Variants in SECISBP2 observed in about 807,000 individuals in gnomAD.
SECISBP2 encodes the protein selenocysteine insertion sequence-binding protein 2.
Under a neutral mutation model 98.2 loss-of-function variants are expected in SECISBP2, and 96 were observed. The observed-to-expected ratio is 0.98, with a 90% confidence interval of 0.83 to 1.16. The LOEUF is 1.16. Among genes scored for constraint, SECISBP2 ranks in the 50% most tolerant of loss-of-function variants. SECISBP2 has a pLI of 0.00. For missense variants in SECISBP2, 1,046 were observed against 1,022.9 expected, an observed-to-expected ratio of 1.02 and a Z score of -0.31; for synonymous variants, 407 against 370.2, an observed-to-expected ratio of 1.10 and a Z score of -1.14.
At chr9:89,337,532 T>TTTTTG (rs1180635653) in intron 7 of SECISBP2, among the ~76,000 whole-genome samples, 8 of 152,144 alleles carry the variant, frequency 5.3e-5, no homozygotes, top group Non-Finnish European at 1.2e-4. Flanking sequence ...TTTCTCTGTT[T>TTTTTG]TTTTGTTTTG....
intron 12 of SECISBP2, among the ~76,000 whole-genome samples, chr9:89,348,554 G>A (rs1830779624): frequency 6.6e-6 from 1 of 152,240 alleles, no homozygotes; most frequent in South Asian, 2.1e-4. Flanking sequence ...AAGTATTGGA[G>A]ACGTGGGGGC....
At chr9:89,364,126 A>AGCCTTG (rs946542472), downstream of SECISBP2, 8 of 1,375,656 alleles carry the variant, frequency 5.8e-6, no homozygotes, top group East Asian at 1.5e-4. Context: ...GGCCAGCGGG[A>AGCCTTG]GCCTTGGCCT....
At chr9:89,362,900 C>T (rs571768421), downstream of SECISBP2, among the ~76,000 whole-genome samples, 9 of 152,298 alleles carry the variant, frequency 5.9e-5, no homozygotes, top group South Asian at 1.9e-3. Flanking sequence ...ACTTTGTCTC[C>T]GTGGGGAGAC....
intron 4 of SECISBP2, among the ~76,000 whole-genome samples, chr9:89,327,393 CTT>C (rs1826920320): frequency 6.6e-6 from 1 of 152,014 alleles, no homozygotes; most frequent in Non-Finnish European, 1.5e-5. Context: ...CTTACTGTAA[CTT>C]TTTTACTTTA....
Position 89,325,948 on chromosome 9 carries a change from G to A in SECISBP2, c.484G>A (p.Glu162Lys), listed in dbSNP as rs761200404. Residue 162 changes from glutamate (E) to lysine (K), a missense_variant, in exon 4 of 17, where the codon GAA (glutamate) becomes AAA (lysine). Coordinates refer to ENST00000375807, the MANE Select transcript of SECISBP2 (RefSeq NM_024077.5). Reference sequence around the variant, plus strand: ...GTATGATCAGCAAAAGTTTGACAGTGAAAGGGCTGATGGAACTATATCATC... The same window carrying A: ...GTATGATCAGCAAAAGTTTGACAGTAAAAGGGCTGATGGAACTATATCATC... ...KTYDQQKFDS[E>K]RADGTISSEI... 1 of 1,614,058 alleles carries A rather than the reference G, an allele frequency of 6.2e-7. No homozygotes were observed. The highest frequency in any genetic ancestry group is 8.5e-7 in the Non-Finnish European group (1 of 1,180,014).
At position 89,341,328 on chromosome 9, in the gene SECISBP2, A is replaced by C. The variant is rs940959073; in HGVS notation, c.1303-19A>C. On this transcript the variant is annotated intron_variant, in intron 9 of 16. Transcript: ENST00000375807. Reference sequence around the variant, plus strand: ...TTTGTATAGTTTTATAAGTAAACTTACGAATTTTGAACTTTCAGGATAATT... The same window carrying C: ...TTTGTATAGTTTTATAAGTAAACTTCCGAATTTTGAACTTTCAGGATAATT... 6.2e-7 allele frequency: 1 copy of C among 1,608,952 alleles called. No individual in the cohort carries two copies. The highest frequency in any genetic ancestry group is 1.3e-5 in the African/African-American group (1 of 74,822).
chr9:89,325,231 T>C (rs1294903869), intron 2 of SECISBP2, 196 bp from the exon 3 acceptor site: 1 of 598,452 alleles, frequency 1.7e-6, no homozygotes, highest in Admixed American at 3.0e-5. Flanking sequence ...AGTGAAAAAA[T>C]AGAGTCAACA....
rs1417770678 is a variant in SECISBP2, at chr9:89,341,350, A to G, written c.1306A>G (p.Asn436Asp). 1.2e-6 allele frequency: 2 copies of G among 1,613,464 alleles called. No homozygotes were observed. The highest frequency in any genetic ancestry group is 1.7e-6 in the Non-Finnish European group (2 of 1,179,580). ...CTTACGAATTTTGAACTTTCAGGAT[A>G]ATTTTAAAAATAATGTAAAGAAGAG... is the stretch of plus-strand genomic sequence containing the variant. Reference protein sequence around the residue: ...KFQSKQQPQDNFKNNVKKSQL... With the variant: ...KFQSKQQPQDDFKNNVKKSQL... Residue 436 changes from asparagine (N) to aspartate (D), a missense_variant, in exon 10 of 17, where the codon AAT (asparagine) becomes GAT (aspartate). Asn to Asp is a conservative substitution (Grantham distance 23). Transcript: ENST00000375807.
chr9:89,319,109 C>T (rs1825231607), intron 1 of SECISBP2: 1 of 928,512 alleles, frequency 1.1e-6, no homozygotes. Flanking sequence ...AGAAAGAAAT[C>T]TTAGTGAATT....
chr9:89,362,579 A>G (rs1350126198), downstream of SECISBP2: 4 of 1,390,508 alleles, frequency 2.9e-6, no homozygotes, highest in Non-Finnish European at 4.0e-6. Flanking sequence ...TAAAGATCCA[A>G]ATGCCAGGAG....
At chr9:89,340,544 A>G (rs927358615) in intron 9 of SECISBP2, among the ~76,000 whole-genome samples, 1 of 152,226 alleles carries the variant, frequency 6.6e-6, no homozygotes, top group Non-Finnish European at 1.5e-5. Context: ...CGCATTCATG[A>G]AAAATAAAAT....
intron 2 of SECISBP2, chr9:89,322,884 G>C (rs889370000): frequency 6.6e-6 from 1 of 152,136 alleles, no homozygotes; most frequent in African/African-American, 2.4e-5. Flanking sequence ...AAAGTTTTAG[G>C]TTTGCTGGGT....
rs1564291922 is a variant in SECISBP2 at position 89,318,547 on chromosome 9, CG to C, written c.-29del. On this transcript the variant is annotated 5_prime_UTR_variant, in exon 1 of 17. Transcript: ENST00000375807. ...AAGCCGACGGCCCGCTGCTGGCCTCCGTGACGCGGCCTCCTCCGCGCCTCGC... is the reference window on the plus strand; with the variant it reads ...AAGCCGACGGCCCGCTGCTGGCCTCCTGACGCGGCCTCCTCCGCGCCTCGC... 5.1e-5 allele frequency: 77 copies of C among 1,510,280 alleles called. No homozygotes were observed. The highest frequency in any genetic ancestry group is 6.8e-5 in the Non-Finnish European group (77 of 1,135,052). The allele number at this position is 1,510,280 out of a possible 1,614,324, so 93.6% of individuals were successfully genotyped here.
Position 89,341,400 on chromosome 9 carries a change from G to A in SECISBP2, c.1356G>A (p.Leu452=), listed in dbSNP as rs1031436754. 1 of 1,613,778 alleles carries A rather than the reference G, an allele frequency of 6.2e-7. No homozygotes were observed. The highest frequency in any genetic ancestry group is 8.5e-7 in the Non-Finnish European group (1 of 1,179,830). Residue 452 remains leucine, a synonymous_variant, in exon 10 of 17, where the codon TTG becomes TTA. Coordinates refer to ENST00000375807, the MANE Select transcript of SECISBP2 (RefSeq NM_024077.5). Reference sequence around the variant, plus strand: ...GCCAGCTTCCAGTGCAGTTGGACTTGGGGGGCATGCTGACAGCCCTGGAGA... The same window carrying A: ...GCCAGCTTCCAGTGCAGTTGGACTTAGGGGGCATGCTGACAGCCCTGGAGA... ...KKSQLPVQLD[L]GGMLTALEKK...
Position 89,358,041 on chromosome 9 carries a change from C to G in SECISBP2, c.2311C>G (p.Gln771Glu). ...KMVELTVAAR[Q>E]AYKTMLENVQ... ...GGTTGAGCTGACAGTGGCGGCCCGA[C>G]AGGCGTACAAGACCATGCTGGAGAA... Residue 771 changes from glutamine (Q) to glutamate (E), a missense_variant, in exon 16 of 17, where the codon CAG becomes GAG. By Grantham distance (29) the Gln-to-Glu change is conservative (BLOSUM62 2). Transcript: ENST00000375807. 6.2e-7 allele frequency: 1 copy of G among 1,613,626 alleles called. No individual in the cohort carries two copies. Among genetic ancestry groups the G allele is most frequent in the Non-Finnish European group, 8.5e-7 (1 of 1,180,014 alleles).
In SECISBP2 at chr9:89,359,100, A is replaced by C; in HGVS notation, c.*276A>C. The stretch of plus-strand genomic sequence containing the variant: ...ACACTACGGATCTGGAAAATACTGG[A>C]AAATGTGATACTTAGAATACTTTGG... On this transcript the variant is annotated 3_prime_UTR_variant, in exon 17 of 17. Transcript: ENST00000375807. 2 of 446,974 alleles carry C rather than the reference A, an allele frequency of 4.5e-6. No homozygotes were observed. Among genetic ancestry groups the C allele is most frequent in the Non-Finnish European group, 8.2e-6 (2 of 243,644 alleles). The allele number at this position is 446,974 out of a possible 1,614,324, so 27.7% of individuals were successfully genotyped here. A position where few individuals can be genotyped will look rare whatever the true frequency, so the allele number is the denominator to read the frequency against.
chr9:89,351,716 C>T (rs1053345984), intron 14 of SECISBP2, among the ~76,000 whole-genome samples: 3 of 152,234 alleles, frequency 2.0e-5, no homozygotes, highest in Non-Finnish European at 2.9e-5. Flanking sequence ...CCGAGGCCCC[C>T]AGCCAGCAGC....
In SECISBP2 at chr9:89,341,488, G is replaced by A; in HGVS notation, c.1435+9G>A. On this transcript the variant is annotated intron_variant, in intron 10 of 16. Coordinates refer to ENST00000375807, the MANE Select transcript of SECISBP2 (RefSeq NM_024077.5). ...ACCAGTGGTAGTCTCAGGTAAGAGA[G>A]TCTTTCCATCTCAGGCAAGTGATTG... 4 of 1,614,082 alleles carry A rather than the reference G, an allele frequency of 2.5e-6. No homozygotes were observed. Among genetic ancestry groups the A allele is most frequent in the Non-Finnish European group, 3.4e-6 (4 of 1,179,952 alleles).
chr9:89,319,346 A>G (rs1392486661), intron 1 of SECISBP2, among the ~76,000 whole-genome samples: 2 of 152,224 alleles, frequency 1.3e-5, no homozygotes, highest in Non-Finnish European at 2.9e-5. Flanking sequence ...TATTATTTCT[A>G]AGTGAATCTG....
Sources: gnomAD v4.1 joint callset for allele counts (sites outside exome capture counted in the v4.1 genomes callset) on GRCh38, gnomAD v4.1.1 for gene constraint, MANE v1.5 for transcripts, NCBI Gene and HGNC (gene_info 2026-07-23, HGNC 2026-07-21) for gene names.